Variants in SNTG1 observed in about 807,000 individuals in gnomAD.
SNTG1 encodes the protein syntrophin gamma 1.
In SNTG1, 39 loss-of-function variants were observed where a neutral mutation model predicts 74.7. That is an observed-to-expected ratio of 0.52 (90% CI 0.40 to 0.68). SNTG1 has a LOEUF of 0.68. Ranked by LOEUF, SNTG1 falls within the 30% of genes least tolerant of loss-of-function variation. The pLI, the probability that SNTG1 is intolerant of heterozygous loss-of-function variation, is 0.00. For synonymous variants in SNTG1, 254 were observed against 217.1 expected, an observed-to-expected ratio of 1.17 and a Z score of -1.49; for missense variants, 685 against 609.5, an observed-to-expected ratio of 1.12 and a Z score of -1.30.
intron 1 of SNTG1, among the ~76,000 whole-genome samples, chr8:50,065,141 T>C (rs1237314554): frequency 6.6e-6 from 1 of 152,174 alleles, no homozygotes; most frequent in Non-Finnish European, 1.5e-5. Context: ...TATTCAAATA[T>C]CATGAGTCAA....
intron 9 of SNTG1, among the ~76,000 whole-genome samples, chr8:50,512,416 G>A (rs1359136147): frequency 1.3e-5 from 2 of 151,960 alleles, no homozygotes; most frequent in Non-Finnish European, 2.9e-5. Flanking sequence ...TTCTCGAGGA[G>A]TATCTTTGTG....
chr8:50,024,517 T>G (rs1371697537), intron 1 of SNTG1, among the ~76,000 whole-genome samples: 6 of 152,092 alleles, frequency 3.9e-5, no homozygotes, highest in Non-Finnish European at 7.4e-5. Context: ...CAAAAGCCAG[T>G]CAAGCAGTTC....
At chr8:50,014,307 C>G (rs150382360) in intron 1 of SNTG1, among the ~76,000 whole-genome samples, 89 of 152,230 alleles carry the variant, frequency 5.8e-4, no homozygotes, top group African/African-American at 1.6e-3. Context: ...CAGCTCAACT[C>G]AGGCAGGACA....
chr8:50,783,618 G>A (rs1401838924), intron 18 of SNTG1, among the ~76,000 whole-genome samples: 1 of 152,174 alleles, frequency 6.6e-6, no homozygotes, highest in Admixed American at 6.5e-5. Context: ...TCTTTGACTA[G>A]GAAAGGGAAC....
rs570931079 is a variant in SNTG1 at position 49,911,821 on chromosome 8, T to G, written c.-513T>G. On this transcript the variant is annotated 5_prime_UTR_variant, in exon 1 of 19. Transcript: ENST00000642720. ...CACGGGCAGCTGGGCTACTTGCTCC[T>G]CGCAGCTAAAAGGCGGTGCCTCCTA... 6 of 152,472 alleles carry G rather than the reference T, an allele frequency of 3.9e-5. No homozygotes were observed. In the East Asian group the frequency reaches 1.2e-3, roughly 30 times the overall value. 9.4% of individuals were successfully genotyped at this position (152,472 alleles called of 1,614,324 possible).
chr8:50,592,073 G>A lies in SNTG1; in HGVS notation c.849+1156G>A, dbSNP rs1015876360. Among the ~76,000 whole-genome samples the A allele has an allele frequency of 2.6e-5, 4 of 152,250 alleles. No individual in the cohort carries two copies. In the South Asian group the frequency reaches 8.3e-4, roughly 32 times the overall value. ...GATTCTGGTATGGGTGTCATCTTGAGAACTGCAGATAAGTGTAGTTCAAGA... is the reference window on the plus strand; with the variant it reads ...GATTCTGGTATGGGTGTCATCTTGAAAACTGCAGATAAGTGTAGTTCAAGA... On this transcript the variant is annotated intron_variant, in intron 13 of 18. Transcript: ENST00000642720.
chr8:50,350,470 T>C (rs1469721574), intron 2 of SNTG1, among the ~76,000 whole-genome samples: 2 of 151,298 alleles, frequency 1.3e-5, no homozygotes, highest in South Asian at 2.1e-4. Context: ...GTTCAAAGTT[T>C]GCAAACACAC....
At chr8:50,671,915 A>G (rs1586032627) in intron 15 of SNTG1, among the ~76,000 whole-genome samples, 1 of 151,692 alleles carries the variant, frequency 6.6e-6, no homozygotes, top group East Asian at 2.0e-4. Context: ...GAAATTGGAA[A>G]TCATCATTCT....
chr8:50,603,931 G>A (rs1254632230), intron 13 of SNTG1, among the ~76,000 whole-genome samples: 1 of 152,170 alleles, frequency 6.6e-6, no homozygotes, highest in Non-Finnish European at 1.5e-5. Context: ...AGCCAGCAGA[G>A]CACTGAGTCT....
intron 2 of SNTG1, among the ~76,000 whole-genome samples, chr8:50,291,017 AAGTGCTGGG>A (rs1162067690): frequency 6.6e-6 from 1 of 152,128 alleles, no homozygotes; most frequent in Non-Finnish European, 1.5e-5. Flanking sequence ...CGGCCTCCCA[AAGTGCTGGG>A]ACTGCAGACA....
At chr8:50,468,324 T>C (rs1034142228) in intron 8 of SNTG1, among the ~76,000 whole-genome samples, 4 of 152,068 alleles carry the variant, frequency 2.6e-5, no homozygotes. Context: ...GATTGTCTAA[T>C]ATTGCTATGT....
At chr8:50,114,219 T>C (rs1346409964) in intron 1 of SNTG1, among the ~76,000 whole-genome samples, 1 of 152,168 alleles carries the variant, frequency 6.6e-6, no homozygotes, top group Non-Finnish European at 1.5e-5. Flanking sequence ...GGAATTATTT[T>C]AGACAATTTG....
intron 9 of SNTG1, among the ~76,000 whole-genome samples, chr8:50,521,643 G>C (rs773325381): frequency 6.6e-6 from 1 of 151,940 alleles, no homozygotes; most frequent in Non-Finnish European, 1.5e-5. Flanking sequence ...TCTTCTTGGG[G>C]GATTTTACCC....
chr8:50,769,985 T>A (rs1450325042), intron 18 of SNTG1, among the ~76,000 whole-genome samples: 1 of 152,076 alleles, frequency 6.6e-6, no homozygotes, highest in African/African-American at 2.4e-5. Context: ...GAGATTAAGA[T>A]ACATAATAAA....
chr8:50,555,083 G>C (rs2094448242), intron 12 of SNTG1, among the ~76,000 whole-genome samples: 1 of 152,142 alleles, frequency 6.6e-6, no homozygotes, highest in South Asian at 2.1e-4. Context: ...ACAAAACAGT[G>C]AAGATGCAAA....
In SNTG1 at chr8:50,092,782, A is replaced by T. The variant is rs371009221; in HGVS notation, c.-102-79779A>T. ...CTATCACAACCATGTTACACTGACA[A>T]ACAGTTTTAATATTATTCGACAGTC... is the stretch of plus-strand genomic sequence containing the variant. On this transcript the variant is annotated intron_variant, in intron 1 of 18. Coordinates refer to ENST00000642720, the MANE Select transcript of SNTG1 (RefSeq NM_018967.5). Among the ~76,000 whole-genome samples, 4 of 152,310 alleles carry T rather than the reference A, an allele frequency of 2.6e-5. No homozygotes were observed. In the East Asian group the frequency reaches 5.8e-4, roughly 22 times the overall value.
intron 2 of SNTG1, among the ~76,000 whole-genome samples, chr8:50,187,081 A>C (rs1002542478): frequency 1.3e-5 from 2 of 152,114 alleles, no homozygotes; most frequent in Admixed American, 1.3e-4. Flanking sequence ...GAAGGGGTCC[A>C]GTTTCAGCCC....
At chr8:50,615,942 T>C (rs1025870511) in intron 13 of SNTG1, among the ~76,000 whole-genome samples, 3 of 152,188 alleles carry the variant, frequency 2.0e-5, no homozygotes, top group African/African-American at 7.2e-5. Context: ...ATGTGAGTAT[T>C]GAGCAAGTGT....
chr8:50,546,527 C>T lies in SNTG1; in HGVS notation c.681-6523C>T, dbSNP rs569123030. On this transcript the variant is annotated intron_variant, in intron 11 of 18. Coordinates refer to ENST00000642720, the MANE Select transcript of SNTG1 (RefSeq NM_018967.5). Reference sequence around the variant, plus strand: ...AGGTATATCTCCTAATGCTCTCCCTCCCCCCTCCCCCTACCCCACGACAGT... The same window carrying T: ...AGGTATATCTCCTAATGCTCTCCCTTCCCCCTCCCCCTACCCCACGACAGT... 3.2e-3 allele frequency among the ~76,000 whole-genome samples: 423 copies of T among 133,058 alleles called. 4 individuals carry two copies. Among genetic ancestry groups the T allele is most frequent in the African/African-American group, 0.011 (378 of 35,540 alleles). The allele number at this position is 133,058 out of a possible 152,430, so 87.3% of individuals were successfully genotyped here.
Sources: allele counts gnomAD v4.1 joint callset (sites outside exome capture counted in the v4.1 genomes callset), GRCh38; gene constraint gnomAD v4.1.1; transcripts MANE v1.5; gene names NCBI Gene and HGNC (gene_info 2026-07-23, HGNC 2026-07-21).